Variants in PCDHGA11 observed in about 807,000 individuals in gnomAD.
PCDHGA11 encodes protocadherin gamma subfamily A, 11.
In PCDHGA11, 39 loss-of-function variants were observed where a neutral mutation model predicts 60.4. The observed-to-expected ratio is 0.65, with a 90% CI of 0.50 to 0.84. The LOEUF (loss-of-function observed/expected upper bound fraction) is 0.84. Among genes scored for constraint, PCDHGA11 ranks in the 40% least tolerant of loss-of-function variants. The pLI, the probability that PCDHGA11 is intolerant of heterozygous loss-of-function variation, is 0.00. For missense variants in PCDHGA11, 1,165 were observed against 1,197.7 expected (o/e 0.97, Z 0.40); for synonymous variants, 533 against 510.3 (o/e 1.04, Z -0.60).
intron 1 of PCDHGA11, chr5:141,478,165 C>A: frequency 1.2e-6 from 2 of 1,614,038 alleles, no homozygotes; most frequent in Non-Finnish European, 1.7e-6. Context: ...GCTCTGCCCC[C>A]CGGGAGCAGA....
intron 1 of PCDHGA11, among the ~76,000 whole-genome samples, chr5:141,460,934 G>GTA (rs2099001529): frequency 2.7e-5 from 4 of 149,622 alleles, no homozygotes; most frequent in African/African-American, 9.9e-5. Context: ...ATGTGTGTGT[G>GTA]TATATATATG....
chr5:141,450,581 G>A (rs2098686464), intron 1 of PCDHGA11, among the ~76,000 whole-genome samples: 1 of 151,878 alleles, frequency 6.6e-6, no homozygotes, highest in Non-Finnish European at 1.5e-5. Context: ...CTGCCTCCCA[G>A]GTTCAAGCAA....
intron 1 of PCDHGA11, among the ~76,000 whole-genome samples, chr5:141,447,650 T>G (rs555134653): frequency 1.3e-5 from 2 of 151,988 alleles, no homozygotes; most frequent in Non-Finnish European, 2.9e-5. Flanking sequence ...GGTAGAATTT[T>G]CCCCCCCAGG....
chr5:141,435,104 G>A (rs1009839042), intron 1 of PCDHGA11, among the ~76,000 whole-genome samples: 1 of 151,968 alleles, frequency 6.6e-6, no homozygotes, highest in Non-Finnish European at 1.5e-5. Flanking sequence ...TTATCTAGGG[G>A]GGAGAAATCT....
chr5:141,456,578 C>G (rs959608396), intron 1 of PCDHGA11, among the ~76,000 whole-genome samples: 10 of 152,182 alleles, frequency 6.6e-5, no homozygotes, highest in African/African-American at 1.7e-4. Flanking sequence ...TTTCCCTGAG[C>G]CTGTCAATAA....
At position 141,422,532 on chromosome 5, in the gene PCDHGA11, A is replaced by G. The variant is rs752364905; in HGVS notation, c.1305A>G (p.Ala435=). 6.2e-7 allele frequency: 1 copy of G among 1,614,030 alleles called. No individual in the cohort carries two copies. Among genetic ancestry groups the G allele is most frequent in the South Asian group, 1.1e-5 (1 of 91,082 alleles). The change falls in exon 1 of 4, where the codon GCA becomes GCG. Residue 435 remains alanine (A), a synonymous_variant. Transcript: ENST00000398587. ...ATDQGSPPLS[A]ETHVWLNVAD... Reference sequence around the variant, plus strand: ...ACCAGGGAAGCCCGCCTTTGTCTGCAGAAACTCATGTCTGGCTGAATGTGG... The same window carrying G: ...ACCAGGGAAGCCCGCCTTTGTCTGCGGAAACTCATGTCTGGCTGAATGTGG...
At position 141,511,238 on chromosome 5, in the gene PCDHGA11, G is replaced by A; in HGVS notation, c.*65G>A. ...CAACCAGCCCAGCTTCTCCTTACCT[G>A]CACCCAGGCCTCAGAGTTTCAGGGC... On this transcript the variant is annotated 3_prime_UTR_variant, in exon 4 of 4. Coordinates refer to ENST00000398587, the MANE Select transcript of PCDHGA11 (RefSeq NM_018914.3). 6.3e-7 allele frequency: 1 copy of A among 1,589,142 alleles called. No homozygotes were observed. The highest frequency in any genetic ancestry group is 2.3e-5 in the East Asian group (1 of 43,302).
Position 141,421,374 on chromosome 5 carries a change from C to T in PCDHGA11, c.147C>T (p.Ile49=). 6.2e-7 allele frequency: 1 copy of T among 1,614,062 alleles called. No homozygotes were observed. Among genetic ancestry groups the T allele is most frequent in the Non-Finnish European group, 8.5e-7 (1 of 1,179,910 alleles). ...ETEKGSFVGN[I]SKDLGLEPRE... ...AAAAGGGCTCCTTCGTGGGCAATAT[C>T]TCCAAGGACCTGGGGCTGGAGCCCC... The change falls in exon 1 of 4, where the codon ATC becomes ATT. Residue 49 remains isoleucine (I), a synonymous_variant. Transcript: ENST00000398587.
rs777314784 is a variant in PCDHGA11, at chr5:141,432,669, C to A, written c.2433+9009C>A. On this transcript the variant is annotated intron_variant, in intron 1 of 3. Transcript: ENST00000398587. The surrounding 1 kb of genome is among the most constrained non-coding windows in gnomAD (Gnocchi z 6.0). ...GCGCGAGCCCTGCTGGACAGAGACG[C>A]GCTCAAGCAGAGCCTCGTAGTGGCC... 1 of 1,613,894 alleles carries A rather than the reference C, an allele frequency of 6.2e-7. No homozygotes were observed. Among genetic ancestry groups the A allele is most frequent in the Non-Finnish European group, 8.5e-7 (1 of 1,179,950 alleles).
intron 1 of PCDHGA11, among the ~76,000 whole-genome samples, chr5:141,443,765 A>G (rs577762947): frequency 6.6e-6 from 1 of 152,340 alleles, no homozygotes; most frequent in East Asian, 1.9e-4. Context: ...TACAATATAC[A>G]ATATTACCAA....
At chr5:141,502,030 C>T (rs1031787021) in intron 2 of PCDHGA11, among the ~76,000 whole-genome samples, 4 of 152,180 alleles carry the variant, frequency 2.6e-5, no homozygotes, top group Non-Finnish European at 4.4e-5. Flanking sequence ...CAACCCCCGC[C>T]GCTTGCCTGC....
At chr5:141,468,758 C>G (rs929005462) in intron 1 of PCDHGA11, among the ~76,000 whole-genome samples, 1 of 151,802 alleles carries the variant, frequency 6.6e-6, no homozygotes, top group Admixed American at 6.6e-5. Context: ...CCCAGCTACT[C>G]GGGAGGCTGA....
Position 141,489,427 on chromosome 5 carries a change from C to A in PCDHGA11, c.2434-5380C>A. ...AAAGATGACAGATCTGTTGAGCCGG[C>A]GGCTGCAATTGGGCTCTGAGGAGAA... On this transcript the variant is annotated intron_variant, in intron 1 of 3. Coordinates refer to ENST00000398587, the MANE Select transcript of PCDHGA11 (RefSeq NM_018914.3). This position sits in a 1 kb window ranked among gnomAD's most constrained non-coding sequence, Gnocchi z 4.5. The A allele has an allele frequency of 6.2e-7, 1 of 1,614,108 alleles. No individual in the cohort carries two copies. The highest frequency in any genetic ancestry group is 1.1e-5 in the South Asian group (1 of 91,086).
intron 2 of PCDHGA11, 30 bp from the exon 3 acceptor site, chr5:141,505,361 AGT>A: frequency 6.2e-7 from 1 of 1,613,910 alleles, no homozygotes; most frequent in Non-Finnish European, 8.5e-7. Context: ...CCGGCCTGGG[AGT>A]CTGTGCTCAC....
chr5:141,511,304 CTTGGGAAA>C lies in PCDHGA11; in HGVS notation c.*132_*139del. ...TGGTAGGGGCCAAGGCCATGCTCCC[CTTGGGAAA>C]CAGAAACAAGTGCCCAGTCAGCACC... is the stretch of plus-strand genomic sequence containing the variant. On this transcript the variant is annotated 3_prime_UTR_variant, in exon 4 of 4. Transcript: ENST00000398587. The C allele has an allele frequency of 2.0e-6, 3 of 1,490,438 alleles. No individual in the cohort carries two copies. The South Asian group carries it at 4.0e-5, about 20-fold the overall frequency. 92.3% of individuals were successfully genotyped at this position (1,490,438 alleles called of 1,614,324 possible). A position where few individuals can be genotyped will look rare whatever the true frequency, so the allele number is the denominator to read the frequency against.
chr5:141,422,466 G>T lies in PCDHGA11; in HGVS notation c.1239G>T (p.Arg413Ser). ...TGATAACAAGCAGAGTGCTGGACAG[G>T]GAGTTGGTCCAGAGCTACAATATAA... ...YKLITSRVLD[R>S]ELVQSYNITL... The change falls in exon 1 of 4, where the codon AGG becomes AGT. Residue 413 changes from arginine to serine, a missense_variant. Arg to Ser is a moderately radical substitution (Grantham distance 110). Transcript: ENST00000398587. The T allele has an allele frequency of 1.2e-6, 2 of 1,613,528 alleles. No individual in the cohort carries two copies. The highest frequency in any genetic ancestry group is 1.7e-6 in the Non-Finnish European group (2 of 1,179,736).
chr5:141,429,631 G>A (rs1272926056), intron 1 of PCDHGA11, among the ~76,000 whole-genome samples: 1 of 152,132 alleles, frequency 6.6e-6, no homozygotes, highest in Non-Finnish European at 1.5e-5. Context: ...TTTTCTCACA[G>A]CTACCTATAT....
intron 1 of PCDHGA11, 149 bp downstream of exon 1, chr5:141,423,809 GT>G (rs1484832928): frequency 7.9e-7 from 1 of 1,259,912 alleles, no homozygotes; most frequent in African/African-American, 1.6e-5. Context: ...ATACATGTGA[GT>G]TTTACTTTGC....
In PCDHGA11 at chr5:141,480,546, G is replaced by A. The variant is rs184388425; in HGVS notation, c.2434-14261G>A. Reference sequence around the variant, plus strand: ...GACAAAGTAGAAGCACATATGAAAAGGCTAAGAAAGCATGAAAGCCAGCAA... The same window carrying A: ...GACAAAGTAGAAGCACATATGAAAAAGCTAAGAAAGCATGAAAGCCAGCAA... On this transcript the variant is annotated intron_variant, in intron 1 of 3. Coordinates refer to ENST00000398587, the MANE Select transcript of PCDHGA11 (RefSeq NM_018914.3). 4.9e-4 allele frequency among the ~76,000 whole-genome samples: 63 copies of A among 128,620 alleles called. 1 individual carries two copies. Among genetic ancestry groups the A allele is most frequent in the Middle Eastern group, 4.2e-3 (1 of 236 alleles). The allele number at this position is 128,620 out of a possible 152,430, so 84.4% of individuals were successfully genotyped here. A position where few individuals can be genotyped will look rare whatever the true frequency, so the allele number is the denominator to read the frequency against.
Sources: allele counts gnomAD v4.1 joint callset (sites outside exome capture counted in the v4.1 genomes callset), GRCh38; gene constraint gnomAD v4.1.1; non-coding constraint Gnocchi (gnomAD v3.1); transcripts MANE v1.5; gene names NCBI Gene and HGNC (gene_info 2026-07-23, HGNC 2026-07-21).